The following RPGRIP1L variants were observed in gnomAD, a reference collection of about 807,000 sequenced individuals.
RPGRIP1L encodes RPGRIP1 like, also known as protein fantom.
In RPGRIP1L, 131 loss-of-function variants were observed where a neutral mutation model predicts 160.4. That is an observed-to-expected ratio of 0.82 (90% confidence interval 0.71 to 0.94). The LOEUF (loss-of-function observed/expected upper bound fraction) is 0.94. RPGRIP1L is among the 40% of genes least tolerant of loss of function. The pLI, the probability that RPGRIP1L is intolerant of heterozygous loss-of-function variation, is 0.00. For missense variants in RPGRIP1L, 1,522 were observed against 1,535.8 expected (o/e 0.99, Z 0.15); for synonymous variants, 510 against 515.8 (o/e 0.99, Z 0.15).
chr16:53,611,423 G>A (rs1964027886), intron 24 of RPGRIP1L, among the ~76,000 whole-genome samples: 1 of 152,228 alleles, frequency 6.6e-6, no homozygotes, highest in Non-Finnish European at 1.5e-5. Flanking sequence ...AAGTGATAAT[G>A]ATAATGTATG....
chr16:53,605,049 T>G (rs904513413), intron 26 of RPGRIP1L, among the ~76,000 whole-genome samples: 1 of 151,862 alleles, frequency 6.6e-6, no homozygotes, highest in Non-Finnish European at 1.5e-5. Flanking sequence ...GGCATGGTGA[T>G]GCACGCCTGT....
At chr16:53,647,970 T>A (rs1173561046) in intron 16 of RPGRIP1L, among the ~76,000 whole-genome samples, 1 of 151,866 alleles carries the variant, frequency 6.6e-6, no homozygotes, top group Non-Finnish European at 1.5e-5. Context: ...CCGGCTGTAG[T>A]GGCAGGTGCC....
At chr16:53,667,358 T>C (rs1968356023) in intron 9 of RPGRIP1L, among the ~76,000 whole-genome samples, 1 of 152,202 alleles carries the variant, frequency 6.6e-6, no homozygotes, top group African/African-American at 2.4e-5. Flanking sequence ...GATCTTTCCT[T>C]CTACAGAAGA....
Position 53,637,754 on chromosome 16 carries a change from T to G in RPGRIP1L, c.3161A>C (p.Glu1054Ala). 1 of 1,612,902 alleles carries G rather than the reference T, an allele frequency of 6.2e-7. No individual in the cohort carries two copies. Among genetic ancestry groups the G allele is most frequent in the Non-Finnish European group, 8.5e-7 (1 of 1,179,808 alleles). The change falls in exon 21 of 27, where the codon GAA (glutamate) becomes GCA (alanine). Residue 1054 changes from glutamate to alanine, a missense_variant. Physicochemically the swap from Glu to Ala is moderately radical, Grantham distance 107. Transcript: ENST00000647211. ...VSLLSEGQLA[E>A]QSLASSEDET... ...ATCTTCAGAAGATGCCAAGCTTTGT[T>G]CTGCAAGCTGACCTTCAGATAGTAA...
rs1308210741 is a variant in RPGRIP1L, at chr16:53,695,446, C to T, written c.230+705G>A. 5.7e-6 allele frequency: 4 copies of T among 702,912 alleles called. No homozygotes were observed. The Admixed American group carries it at 8.0e-5, about 14-fold the overall frequency. 43.5% of individuals were successfully genotyped at this position (702,912 alleles called of 1,614,324 possible). On this transcript the variant is annotated intron_variant, in intron 3 of 26. Coordinates refer to ENST00000647211, the MANE Select transcript of RPGRIP1L (RefSeq NM_015272.5). ...TTTCATTCTTCAATGGTTGTCTCAC[C>T]TTTTCTTTGAACCTAGAACATAAAT...
chr16:53,627,475 TAA>T (rs1965258506), intron 22 of RPGRIP1L, among the ~76,000 whole-genome samples: 1 of 152,206 alleles, frequency 6.6e-6, no homozygotes, highest in South Asian at 2.1e-4. Context: ...ATAACCAACT[TAA>T]GTCTTTTTAT....
At position 53,645,789 on chromosome 16, in the gene RPGRIP1L, T is replaced by A. The variant is rs949487941; in HGVS notation, c.2519A>T (p.Asp840Val). Residue 840 changes from aspartate (D) to valine (V), a missense_variant, in exon 17 of 27, where the codon GAT becomes GTT. Coordinates refer to ENST00000647211, the MANE Select transcript of RPGRIP1L (RefSeq NM_015272.5). ...IPSSNDPQFD[D>V]HMYFPVPMNM... ...CATTGGCACTGGGAAATACATATGATCATCAAACTGTGGATCATTGCTACT... is the reference window on the plus strand; with the variant it reads ...CATTGGCACTGGGAAATACATATGAACATCAAACTGTGGATCATTGCTACT... 6.2e-7 allele frequency: 1 copy of A among 1,614,130 alleles called. No homozygotes were observed. The highest frequency in any genetic ancestry group is 1.1e-5 in the South Asian group (1 of 91,078).
chr16:53,653,030 C>A, intron 14 of RPGRIP1L, 43 bp from the exon 15 acceptor site: 1 of 1,527,318 alleles, frequency 6.5e-7, no homozygotes, highest in Admixed American at 1.7e-5. Flanking sequence ...AAAATATTGA[C>A]ATGAGAAAAT....
intron 14 of RPGRIP1L, among the ~76,000 whole-genome samples, chr16:53,654,811 C>T (rs1967110235): frequency 6.6e-6 from 1 of 152,152 alleles, no homozygotes; most frequent in Non-Finnish European, 1.5e-5. Flanking sequence ...TGTGACCTCC[C>T]TTTTAACCAA....
At chr16:53,614,985 T>A (rs1483639526) in intron 24 of RPGRIP1L, among the ~76,000 whole-genome samples, 1 of 152,262 alleles carries the variant, frequency 6.6e-6, no homozygotes, top group African/African-American at 2.4e-5. Flanking sequence ...GAAATGCAGA[T>A]GGCTTAATTA....
chr16:53,650,807 A>T (rs983543255), intron 15 of RPGRIP1L, among the ~76,000 whole-genome samples: 2 of 151,676 alleles, frequency 1.3e-5, no homozygotes, highest in Non-Finnish European at 2.9e-5. Flanking sequence ...GGTACCACAG[A>T]CTCGTTTTCC....
chr16:53,648,365 T>G (rs1966703594), intron 16 of RPGRIP1L, among the ~76,000 whole-genome samples: 1 of 152,102 alleles, frequency 6.6e-6, no homozygotes. Context: ...AGGAAATAAT[T>G]TGGAAGCACA....
In RPGRIP1L at chr16:53,602,180, C is replaced by T. The variant is rs2150909535; in HGVS notation, c.3844G>A (p.Ala1282Thr). 1.2e-6 allele frequency: 2 copies of T among 1,610,646 alleles called. No individual in the cohort carries two copies. The highest frequency in any genetic ancestry group is 1.7e-6 in the Non-Finnish European group (2 of 1,176,954). Residue 1282 changes from alanine (A) to threonine (T), a missense_variant, in exon 27 of 27, where the codon GCA (alanine) becomes ACA (threonine). Coordinates refer to ENST00000647211, the MANE Select transcript of RPGRIP1L (RefSeq NM_015272.5). ...CCAATACCTTCACCATCTGCTCGTG[C>T]ATCAAAAACTAGGGAGAAAAGAGCA... ...LIEQNIDVFD[A>T]RADGEGIGKL...
chr16:53,700,143 T>C (rs1011749636), intron 2 of RPGRIP1L, among the ~76,000 whole-genome samples: 1 of 152,356 alleles, frequency 6.6e-6, no homozygotes, highest in Admixed American at 6.5e-5. Context: ...AAGTGCTTTT[T>C]AGCTCTACAG....
intron 3 of RPGRIP1L, among the ~76,000 whole-genome samples, chr16:53,693,158 T>G (rs988329837): frequency 6.6e-6 from 1 of 152,220 alleles, no homozygotes; most frequent in Non-Finnish European, 1.5e-5. Context: ...GGAAAAATCT[T>G]GGCAGGACAA....
chr16:53,607,935 A>G (rs1446657730), intron 25 of RPGRIP1L: 8 of 978,792 alleles, frequency 8.2e-6, no homozygotes, highest in African/African-American at 1.8e-5. Context: ...AACACTGCCA[A>G]AACAAAAAGG....
intron 24 of RPGRIP1L, among the ~76,000 whole-genome samples, 160 bp from the exon 25 acceptor site, chr16:53,611,211 A>G (rs897842528): frequency 3.9e-5 from 6 of 152,238 alleles, no homozygotes; most frequent in African/African-American, 1.4e-4. Context: ...AACCAGAATC[A>G]AATCTGAGTA....
At chr16:53,609,709 G>A (rs531955356) in intron 25 of RPGRIP1L, among the ~76,000 whole-genome samples, 60 of 152,150 alleles carry the variant, frequency 3.9e-4, no homozygotes, top group African/African-American at 1.3e-3. Context: ...TTATTCCCTC[G>A]TCACTCATGA....
At chr16:53,627,851 CATTT>C (rs948833423) in intron 22 of RPGRIP1L, among the ~76,000 whole-genome samples, 43 of 151,952 alleles carry the variant, frequency 2.8e-4, no homozygotes, top group Non-Finnish European at 1.2e-4. Context: ...ATCTATAGTA[CATTT>C]ATTTACCTGC....
Sources: gnomAD v4.1 joint callset for allele counts (sites outside exome capture counted in the v4.1 genomes callset) on GRCh38, gnomAD v4.1.1 for gene constraint, MANE v1.5 for transcripts, NCBI Gene and HGNC (gene_info 2026-07-23, HGNC 2026-07-21) for gene names.